CLEC12A: variants seen among roughly 807,000 people sequenced by gnomAD.
CLEC12A encodes C-type lectin protein CLL-1.
Under a neutral mutation model 26.5 loss-of-function variants are expected in CLEC12A, and 22 were observed. That is an observed-to-expected ratio of 0.83 (90% CI 0.59 to 1.19). CLEC12A has a LOEUF of 1.19. CLEC12A is among the 50% of genes most tolerant of loss of function. The pLI, the probability that CLEC12A is intolerant of heterozygous loss-of-function variation, is 0.00. For synonymous variants in CLEC12A, 119 were observed against 101.9 expected, an observed-to-expected ratio of 1.17 and a Z score of -1.01; for missense variants, 353 against 315.6, an observed-to-expected ratio of 1.12 and a Z score of -0.90.
chr12:9,966,552 C>T (rs546833533), upstream of CLEC12A, among the ~76,000 whole-genome samples: 24 of 152,128 alleles, frequency 1.6e-4, no homozygotes, highest in African/African-American at 5.5e-4. Flanking sequence ...GGGAGGCAGG[C>T]CTGGAGGAAT....
In CLEC12A at chr12:9,982,158, T is replaced by C. The variant is rs966855474; in HGVS notation, c.641+29T>C. On this transcript the variant is annotated intron_variant, in intron 5 of 5. Coordinates refer to ENST00000304361, the MANE Select transcript of CLEC12A (RefSeq NM_138337.6). ...AGTGTCTATTCTTGTTAGAATTTTA[T>C]AGCTGGGTTTGAGTAGAGGTATTTT... is the stretch of plus-strand genomic sequence containing the variant. 3 of 1,261,788 alleles carry C rather than the reference T, an allele frequency of 2.4e-6. No individual in the cohort carries two copies. The African/African-American group carries it at 4.4e-5, about 19-fold the overall frequency. The allele number at this position is 1,261,788 out of a possible 1,614,324, so 78.2% of individuals were successfully genotyped here.
intron 1 of CLEC12A, among the ~76,000 whole-genome samples, chr12:9,974,743 G>A (rs1864264258): frequency 6.6e-6 from 1 of 152,112 alleles, no homozygotes; most frequent in Admixed American, 6.5e-5. Context: ...ACACAGAGAT[G>A]TTAAAAGGTG....
intron 4 of CLEC12A, chr12:9,993,116 C>T (rs753830727): frequency 6.3e-7 from 1 of 1,586,078 alleles, no homozygotes; most frequent in Admixed American, 1.7e-5. Context: ...AAGCCCTTAT[C>T]TGTGTTATCC....
At chr12:9,960,250 A>G (rs1007036210) in intron 1 of CLEC12A, among the ~76,000 whole-genome samples, 1 of 152,178 alleles carries the variant, frequency 6.6e-6, no homozygotes, top group African/African-American at 2.4e-5. Context: ...CCAGCCAAAG[A>G]TCCTAGATAA....
intron 1 of CLEC12A, among the ~76,000 whole-genome samples, chr12:9,961,797 T>C (rs1016983076): frequency 3.3e-5 from 5 of 152,322 alleles, no homozygotes; most frequent in African/African-American, 4.8e-5. Flanking sequence ...TGATAAAAAC[T>C]GGCCTACATA....
Position 9,975,425 on chromosome 12 carries a change from T to A in CLEC12A, c.92-3541T>A, listed in dbSNP as rs545272361. ...GGAACGGGAGCAAAGGTGACTCTTGTTATGTTTTAGCAAAGTGACTGGTAG... is the reference window on the plus strand; with the variant it reads ...GGAACGGGAGCAAAGGTGACTCTTGATATGTTTTAGCAAAGTGACTGGTAG... On this transcript the variant is annotated intron_variant, in intron 1 of 5. Coordinates refer to ENST00000304361, the MANE Select transcript of CLEC12A (RefSeq NM_138337.6). Among the ~76,000 whole-genome samples the A allele has an allele frequency of 3.3e-5, 5 of 152,324 alleles. No individual in the cohort carries two copies. The East Asian group carries it at 9.7e-4, about 29-fold the overall frequency.
At chr12:9,986,706 G>A (rs1864775633), downstream of CLEC12A, among the ~76,000 whole-genome samples, 1 of 152,162 alleles carries the variant, frequency 6.6e-6, no homozygotes, top group African/African-American at 2.4e-5. Context: ...AGCTACTCGG[G>A]AGGCTGAGGC....
chr12:9,953,606 C>T (rs1366235918), intron 1 of CLEC12A, among the ~76,000 whole-genome samples: 6 of 151,186 alleles, frequency 4.0e-5, no homozygotes, highest in Middle Eastern at 3.4e-3. Context: ...GCCCCCTGCC[C>T]GGCCAGCCGC....
intron 1 of CLEC12A, among the ~76,000 whole-genome samples, chr12:9,972,735 A>G (rs1165038848): frequency 6.6e-6 from 1 of 152,190 alleles, no homozygotes; most frequent in Non-Finnish European, 1.5e-5. Context: ...AGCATTGTAA[A>G]TCTTGAGAAA....
At chr12:9,996,939 C>A, downstream of CLEC12A, 1 of 1,614,062 alleles carries the variant, frequency 6.2e-7, no homozygotes, top group Non-Finnish European at 8.5e-7. Context: ...GCCTGAAGAA[C>A]CCATAGCAGC....
Position 9,984,902 on chromosome 12 carries a change from T to C in CLEC12A, c.674T>C (p.Met225Thr). 6.4e-7 allele frequency: 1 copy of C among 1,564,460 alleles called. No homozygotes were observed. The highest frequency in any genetic ancestry group is 8.7e-7 in the Non-Finnish European group (1 of 1,155,932). The change falls in exon 6 of 6, where the codon ATG becomes ACG. Residue 225 changes from methionine (M) to threonine (T), a missense_variant. Transcript: ENST00000304361. ...AGAAACGCACCTGACTTAAATAACATGTATTGTGGATATATAAATAGACTA... is the reference window on the plus strand; with the variant it reads ...AGAAACGCACCTGACTTAAATAACACGTATTGTGGATATATAAATAGACTA... ...VIRNAPDLNN[M>T]YCGYINRLYV... is the part of the protein sequence containing the mutation.
intron 1 of CLEC12A, among the ~76,000 whole-genome samples, chr12:9,961,258 G>A (rs1366466030): frequency 6.6e-6 from 1 of 152,158 alleles, no homozygotes; most frequent in East Asian, 1.9e-4. Flanking sequence ...ATATAATGAA[G>A]CGTGTTCGAC....
At chr12:9,981,801 G>A (rs925249992) in intron 4 of CLEC12A, among the ~76,000 whole-genome samples, 6 of 152,024 alleles carry the variant, frequency 3.9e-5, no homozygotes, top group Non-Finnish European at 8.8e-5. Context: ...TGGATTAGTA[G>A]GGCCTCTCTT....
the CLEC12A span, among the ~76,000 whole-genome samples, chr12:10,001,418 A>C: frequency 6.6e-6 from 1 of 152,182 alleles, no homozygotes; most frequent in Non-Finnish European, 1.5e-5. Context: ...TTCTCATTGT[A>C]ATTTAACCTT....
chr12:9,976,287 C>T (rs184355453), intron 1 of CLEC12A, among the ~76,000 whole-genome samples: 2 of 152,300 alleles, frequency 1.3e-5, no homozygotes, highest in Admixed American at 1.3e-4. Flanking sequence ...AATATCAGCC[C>T]ATGAAAGCAG....
chr12:9,971,404 G>T (rs560406089), upstream of CLEC12A: 7 of 1,216,702 alleles, frequency 5.8e-6, no homozygotes, highest in Middle Eastern at 2.1e-4. Flanking sequence ...CCACAGATGA[G>T]ATTTGGCTCA....
At chr12:10,004,982 G>A in the CLEC12A span, among the ~76,000 whole-genome samples, 2 of 150,060 alleles carry the variant, frequency 1.3e-5, no homozygotes, top group African/African-American at 2.5e-5. Flanking sequence ...GTATTTCCCT[G>A]TCTCTTGTCT....
chr12:9,985,535 T>C lies in CLEC12A; in HGVS notation c.*509T>C. The stretch of plus-strand genomic sequence containing the variant: ...AGGTAAGAATGGATATGGACATGCA[T>C]TTATTACCTCTTAAAATTATTATTT... On this transcript the variant is annotated 3_prime_UTR_variant, in exon 6 of 6. Coordinates refer to ENST00000304361, the MANE Select transcript of CLEC12A (RefSeq NM_138337.6). The C allele has an allele frequency of 2.5e-6, 1 of 398,650 alleles. No individual in the cohort carries two copies. Among genetic ancestry groups the C allele is most frequent in the Non-Finnish European group, 4.4e-6 (1 of 226,106 alleles). The allele number at this position is 398,650 out of a possible 1,614,324, so 24.7% of individuals were successfully genotyped here.
chr12:9,986,048 T>C (rs921092210), downstream of CLEC12A: 9 of 426,028 alleles, frequency 2.1e-5, no homozygotes, highest in African/African-American at 1.4e-4. Context: ...GGGGCTTGTA[T>C]AGTTTGTGCA....
Sources: allele counts gnomAD v4.1 joint callset (sites outside exome capture counted in the v4.1 genomes callset), GRCh38; gene constraint gnomAD v4.1.1; transcripts MANE v1.5; gene names NCBI Gene and HGNC (gene_info 2026-07-23, HGNC 2026-07-21).